Variants in TCEA1 observed in about 807,000 individuals in gnomAD.
TCEA1 encodes the protein transcription elongation factor A1.
TCEA1 carries 21 observed loss-of-function variants against 43.8 expected under a neutral mutation model. The observed-to-expected ratio is 0.48, with a 90% CI of 0.34 to 0.69. The LOEUF (loss-of-function observed/expected upper bound fraction) is 0.69, where lower values mean the gene tolerates loss of function less well. Ranked by LOEUF, TCEA1 falls within the 30% of genes least tolerant of loss-of-function variation. The pLI is 0.01. For missense variants in TCEA1, 250 were observed against 365.1 expected (o/e 0.68, Z 2.57); for synonymous variants, 104 against 117.5 (o/e 0.88, Z 0.75).
At chr8:53,979,658 T>C (rs1218172679) in intron 7 of TCEA1, among the ~76,000 whole-genome samples, 3 of 152,246 alleles carry the variant, frequency 2.0e-5, no homozygotes, top group Non-Finnish European at 2.9e-5. Flanking sequence ...ATTAGGATTA[T>C]GGGACAGGCC....
chr8:53,995,809 G>A (rs1366107488), intron 3 of TCEA1, among the ~76,000 whole-genome samples: 1 of 152,196 alleles, frequency 6.6e-6, no homozygotes, highest in African/African-American at 2.4e-5. Context: ...TCACTGATAA[G>A]AGAATGGTTG....
intron 8 of TCEA1, chr8:53,972,413 T>A: frequency 3.7e-6 from 2 of 536,650 alleles, no homozygotes; most frequent in Non-Finnish European, 7.3e-6. Context: ...ATGAAGATGA[T>A]ATGGCAGATT....
chr8:53,977,805 G>A (rs928816922), intron 8 of TCEA1, among the ~76,000 whole-genome samples: 3 of 152,142 alleles, frequency 2.0e-5, no homozygotes, highest in Non-Finnish European at 4.4e-5. Context: ...GTACATAAAT[G>A]TAAGTTATCA....
chr8:53,974,905 T>C (rs1000788103), intron 8 of TCEA1, among the ~76,000 whole-genome samples: 3 of 151,958 alleles, frequency 2.0e-5, no homozygotes, highest in African/African-American at 7.3e-5. Context: ...TGTTTAAAGG[T>C]TAGGGATAAT....
At chr8:53,989,149 G>A (rs1215821310) in intron 4 of TCEA1, among the ~76,000 whole-genome samples, 1 of 152,052 alleles carries the variant, frequency 6.6e-6, no homozygotes, top group Non-Finnish European at 1.5e-5. Context: ...AATACCATGT[G>A]TACTGATGAG....
chr8:53,975,821 T>C (rs769100064), intron 8 of TCEA1, among the ~76,000 whole-genome samples: 56 of 152,174 alleles, frequency 3.7e-4, no homozygotes, highest in Non-Finnish European at 1.0e-4. Context: ...TGTACAGCAC[T>C]GTGAATGCTC....
intron 3 of TCEA1, among the ~76,000 whole-genome samples, chr8:53,994,135 A>G (rs773178392): frequency 2.0e-5 from 3 of 152,226 alleles, no homozygotes; most frequent in Non-Finnish European, 2.9e-5. Context: ...ACTTGAGCTC[A>G]TGAGTTTGAG....
intron 9 of TCEA1, among the ~76,000 whole-genome samples, chr8:53,968,481 G>A (rs749615217): frequency 2.0e-5 from 3 of 151,984 alleles, no homozygotes; most frequent in Non-Finnish European, 4.4e-5. Flanking sequence ...TAAGTACTAT[G>A]TCAAAACTTG....
intron 2 of TCEA1, among the ~76,000 whole-genome samples, chr8:54,009,384 C>T (rs1459979564): frequency 3.9e-5 from 6 of 152,156 alleles, no homozygotes; most frequent in Admixed American, 2.6e-4. Flanking sequence ...ATGTTTACTG[C>T]AGCACTATTC....
chr8:54,010,487 TC>T lies in TCEA1; in HGVS notation c.68del (p.Gly23GlufsTer6). On this transcript the variant is annotated frameshift_variant, in exon 2 of 10. Transcript: ENST00000521604. LOFTEE classifies it high-confidence loss of function. ...DKMVQKKNAA[G>X]ALDLLKELKN... Reference sequence around the variant, plus strand: ...TAAGCTCCTTTAGCAAATCCAATGCTCCAGCCTATAAAATAAAATAATTTCA... The same window carrying T: ...TAAGCTCCTTTAGCAAATCCAATGCTCAGCCTATAAAATAAAATAATTTCA... 1 of 1,599,332 alleles carries T rather than the reference TC, an allele frequency of 6.3e-7. No homozygotes were observed. Among genetic ancestry groups the T allele is most frequent in the Admixed American group, 1.7e-5 (1 of 57,312 alleles).
chr8:54,019,905 G>C (rs868619590), intron 1 of TCEA1, among the ~76,000 whole-genome samples: 2 of 152,124 alleles, frequency 1.3e-5, no homozygotes, highest in Middle Eastern at 3.2e-3. Context: ...TTTCATACTG[G>C]AAAAGTTTTG....
chr8:54,019,333 G>T (rs1204922601), intron 1 of TCEA1, among the ~76,000 whole-genome samples: 1 of 152,062 alleles, frequency 6.6e-6, no homozygotes, highest in East Asian at 1.9e-4. Context: ...ACTCTGGGAG[G>T]CCAGGACGGG....
chr8:54,021,957 C>A, intron 1 of TCEA1, 106 bp downstream of exon 1: 3 of 1,141,526 alleles, frequency 2.6e-6, no homozygotes, highest in Non-Finnish European at 3.4e-6. Context: ...GGCTCCCAGA[C>A]GGGAGGCTGC....
At chr8:53,995,294 C>CAAAA (rs925755044) in intron 3 of TCEA1, among the ~76,000 whole-genome samples, 3 of 57,906 alleles carry the variant, frequency 5.2e-5, no homozygotes, top group Non-Finnish European at 1.1e-4. Flanking sequence ...GACTCTGTCT[C>CAAAA]AAAAAAAAAA....
chr8:54,012,011 C>T (rs552925014), intron 1 of TCEA1, among the ~76,000 whole-genome samples: 11 of 152,266 alleles, frequency 7.2e-5, no homozygotes, highest in South Asian at 6.2e-4. Flanking sequence ...AACAGTAAAA[C>T]ATTAAAGTTG....
chr8:54,018,613 G>A (rs1053662451), intron 1 of TCEA1, among the ~76,000 whole-genome samples: 1 of 152,150 alleles, frequency 6.6e-6, no homozygotes, highest in African/African-American at 2.4e-5. Context: ...TACTGACACC[G>A]AATCAAAGTG....
intron 7 of TCEA1, among the ~76,000 whole-genome samples, chr8:53,980,637 T>A (rs918138697): frequency 1.3e-5 from 2 of 151,998 alleles, no homozygotes; most frequent in Admixed American, 1.3e-4. Flanking sequence ...GCTGTGTGTG[T>A]TCCGACTGCT....
intron 3 of TCEA1, among the ~76,000 whole-genome samples, chr8:53,994,758 C>A (rs1364622360): frequency 6.6e-6 from 1 of 151,958 alleles, no homozygotes; most frequent in South Asian, 2.1e-4. Flanking sequence ...GTAGTCCCAG[C>A]TACTCAGGAG....
intron 2 of TCEA1, among the ~76,000 whole-genome samples, chr8:54,005,840 TCAG>T (rs937871477): frequency 8.5e-5 from 13 of 152,194 alleles, no homozygotes; most frequent in African/African-American, 3.1e-4. Flanking sequence ...CTAACACCTT[TCAG>T]TAGTAATGCT....
Sources: gnomAD v4.1 joint callset for allele counts (sites outside exome capture counted in the v4.1 genomes callset) on GRCh38, gnomAD v4.1.1 for gene constraint, MANE v1.5 for transcripts, NCBI Gene and HGNC (gene_info 2026-07-23, HGNC 2026-07-21) for gene names.